Variants in KLF13 observed in about 807,000 individuals in gnomAD.
The protein encoded by KLF13 is Krueppel-like factor 13.
In KLF13, 8 loss-of-function variants were observed where a neutral mutation model predicts 16.7. The observed-to-expected ratio is 0.48, with a 90% CI of 0.28 to 0.87. The LOEUF is 0.87. KLF13 is among the 40% of genes least tolerant of loss of function. KLF13 has a pLI of 0.10. For missense variants in KLF13, 447 were observed against 452.2 expected (o/e 0.99, Z 0.10); for synonymous variants, 245 against 208.4 (o/e 1.18, Z -1.51).
rs1018812582 is a variant in KLF13 at position 31,337,317 on chromosome 15, G to A, written c.577+9528G>A. Reference sequence around the variant, plus strand: ...AGTTGTTGTTTTTGTCTTCTAGCACGGATGGTGTGGCAGAAGGAGGCCTTG... The same window carrying A: ...AGTTGTTGTTTTTGTCTTCTAGCACAGATGGTGTGGCAGAAGGAGGCCTTG... On this transcript the variant is annotated intron_variant, in intron 1 of 1. Coordinates refer to ENST00000307145, the MANE Select transcript of KLF13 (RefSeq NM_015995.4). Among the ~76,000 whole-genome samples, 5 of 152,252 alleles carry A rather than the reference G, an allele frequency of 3.3e-5. No individual in the cohort carries two copies. In the East Asian group the frequency reaches 5.8e-4, roughly 18 times the overall value.
intron 1 of KLF13, among the ~76,000 whole-genome samples, chr15:31,414,684 A>G (rs1322256046): frequency 6.6e-6 from 1 of 152,204 alleles, no homozygotes; most frequent in Non-Finnish European, 1.5e-5. Context: ...CCAATTATAA[A>G]TATATATTCA....
chr15:31,434,732 C>A (rs561836169), intron 1 of KLF13, among the ~76,000 whole-genome samples: 1 of 152,328 alleles, frequency 6.6e-6, no homozygotes, highest in South Asian at 2.1e-4. Flanking sequence ...TGGAGCTCCC[C>A]TTCATCCTCA....
intron 1 of KLF13, among the ~76,000 whole-genome samples, chr15:31,370,666 G>A (rs761914901): frequency 2.0e-5 from 3 of 152,044 alleles, no homozygotes; most frequent in Non-Finnish European, 4.4e-5. Flanking sequence ...TGATCCACCC[G>A]CCTCAGCCTC....
At chr15:31,356,531 G>A (rs562338179) in intron 1 of KLF13, among the ~76,000 whole-genome samples, 11 of 152,368 alleles carry the variant, frequency 7.2e-5, no homozygotes, top group Middle Eastern at 3.4e-3. Context: ...CAGCCTGGGC[G>A]ACAGAGCGAG....
rs1595480511 is a variant in KLF13 at position 31,372,371 on chromosome 15, G to C, written c.*72G>C. On this transcript the variant is annotated 3_prime_UTR_variant, in exon 2 of 2. Transcript: ENST00000307145. ...TGGCCTTTCCTTTTGTAATAAGAAA[G>C]AAGAGAGAGAACTTGATGCAAAGTC... 7.3e-7 allele frequency: 1 copy of C among 1,362,442 alleles called. No homozygotes were observed. The highest frequency in any genetic ancestry group is 2.7e-5 in the East Asian group (1 of 37,156). The allele number at this position is 1,362,442 out of a possible 1,614,324, so 84.4% of individuals were successfully genotyped here. A position where few individuals can be genotyped will look rare whatever the true frequency, so the allele number is the denominator to read the frequency against.
chr15:31,358,606 T>C (rs757938803), intron 1 of KLF13, among the ~76,000 whole-genome samples: 2 of 152,238 alleles, frequency 1.3e-5, no homozygotes, highest in Non-Finnish European at 2.9e-5. Context: ...TTGCTTATTG[T>C]TGAGATTGAG....
chr15:31,411,754 A>G (rs1355011138), intron 1 of KLF13, among the ~76,000 whole-genome samples: 1 of 152,172 alleles, frequency 6.6e-6, no homozygotes, highest in African/African-American at 2.4e-5. Flanking sequence ...AGAAGTATAA[A>G]GAGTACTTTA....
intron 1 of KLF13, among the ~76,000 whole-genome samples, chr15:31,342,126 C>T (rs1297115997): frequency 6.6e-6 from 1 of 152,132 alleles, no homozygotes. Context: ...ACTCAGTCAC[C>T]AGTCATCAGA....
chr15:31,417,816 G>C (rs1237043918), intron 1 of KLF13, among the ~76,000 whole-genome samples: 1 of 152,150 alleles, frequency 6.6e-6, no homozygotes, highest in Middle Eastern at 3.2e-3. Flanking sequence ...AAAATGCTGG[G>C]ATTACAGGCA....
chr15:31,407,431 A>G (rs2040142770), downstream of KLF13, among the ~76,000 whole-genome samples: 1 of 152,262 alleles, frequency 6.6e-6, no homozygotes, highest in African/African-American at 2.4e-5. Flanking sequence ...GCTCAGCAGC[A>G]GGATGTGCTA....
At chr15:31,423,907 A>G (rs1480121865) in intron 1 of KLF13, among the ~76,000 whole-genome samples, 2 of 152,228 alleles carry the variant, frequency 1.3e-5, no homozygotes, top group Non-Finnish European at 2.9e-5. Flanking sequence ...ACACTCTTGA[A>G]CAACTAATAG....
exon 2 of KLF13, chr15:31,435,490 C>A (rs2040520074): frequency 6.6e-6 from 1 of 152,170 alleles, no homozygotes; most frequent in South Asian, 2.1e-4. Context: ...CATCTGCAGG[C>A]AATGTCGACA....
chr15:31,435,044 T>A (rs568780573), intron 1 of KLF13, among the ~76,000 whole-genome samples: 1 of 152,298 alleles, frequency 6.6e-6, no homozygotes, highest in Non-Finnish European at 1.5e-5. Flanking sequence ...TCAGCCTCCT[T>A]GAATCACCCT....
At position 31,376,560 on chromosome 15, in the gene KLF13, C is replaced by A. The variant is rs1566825796; in HGVS notation, c.*4261C>A. On this transcript the variant is annotated 3_prime_UTR_variant, in exon 2 of 2. Transcript: ENST00000307145. ...GAAATCAGGATTACCCCAGGAAGAA[C>A]CAGGTCCTATTACTAATTTTCCTGA... 6.6e-6 allele frequency: 1 copy of A among 152,590 alleles called. No homozygotes were observed. Among genetic ancestry groups the A allele is most frequent in the Admixed American group, 6.5e-5 (1 of 15,284 alleles). 9.5% of individuals were successfully genotyped at this position (152,590 alleles called of 1,614,324 possible). A position where few individuals can be genotyped will look rare whatever the true frequency, so the allele number is the denominator to read the frequency against.
At chr15:31,331,343 C>T (rs1297015228) in intron 1 of KLF13, among the ~76,000 whole-genome samples, 2 of 152,230 alleles carry the variant, frequency 1.3e-5, no homozygotes, top group African/African-American at 4.8e-5. Flanking sequence ...AGATCACATT[C>T]TGTCAGCCAT....
chr15:31,343,813 G>T (rs1257511942), intron 1 of KLF13, among the ~76,000 whole-genome samples: 1 of 152,156 alleles, frequency 6.6e-6, no homozygotes, highest in Non-Finnish European at 1.5e-5. Flanking sequence ...CATGGGGAAG[G>T]TCTCCTTGGA....
intron 2 of KLF13, among the ~76,000 whole-genome samples, chr15:31,394,796 A>G (rs2039932811): frequency 6.6e-6 from 1 of 152,148 alleles, no homozygotes; most frequent in Non-Finnish European, 1.5e-5. Context: ...CCCTTTAGCT[A>G]TCACCCCGAT....
chr15:31,402,627 C>T (rs922343389), intron 2 of KLF13, among the ~76,000 whole-genome samples: 2 of 152,218 alleles, frequency 1.3e-5, no homozygotes, highest in South Asian at 2.1e-4. Flanking sequence ...GCCATCCCAC[C>T]GCCAGGAGCG....
intron 1 of KLF13, among the ~76,000 whole-genome samples, chr15:31,334,687 C>A (rs1273939695): frequency 6.6e-6 from 1 of 150,584 alleles, no homozygotes; most frequent in Non-Finnish European, 1.5e-5. Flanking sequence ...CTCGGCCTCC[C>A]AAAGTGCTGG....
Sources: gnomAD v4.1 joint callset for allele counts (sites outside exome capture counted in the v4.1 genomes callset) on GRCh38, gnomAD v4.1.1 for gene constraint, MANE v1.5 for transcripts, NCBI Gene and HGNC (gene_info 2026-07-23, HGNC 2026-07-21) for gene names.